The following LRRFIP2 variants were observed in gnomAD, a reference collection of about 807,000 sequenced individuals.
LRRFIP2 encodes the protein LRR binding FLII interacting protein 2.
In LRRFIP2, 109 loss-of-function variants were observed where a neutral mutation model predicts 125.9. The ratio of observed to expected loss-of-function variants is 0.87; its 90% CI spans 0.74 to 1.01. The LOEUF is 1.01. Ranked by LOEUF, LRRFIP2 falls within the 50% of genes least tolerant of loss-of-function variation. The pLI, the probability that LRRFIP2 is intolerant of heterozygous loss-of-function variation, is 0.00. For synonymous variants in LRRFIP2, 291 were observed against 293.1 expected (o/e 0.99, Z 0.07); for missense variants, 850 against 862.3 (o/e 0.99, Z 0.18).
intron 18 of LRRFIP2, among the ~76,000 whole-genome samples, chr3:37,091,250 A>C (rs1047098527): frequency 1.3e-5 from 2 of 152,114 alleles, no homozygotes; most frequent in Non-Finnish European, 2.9e-5. Flanking sequence ...ACTGTAAATG[A>C]TATCTTCTGC....
intron 15 of LRRFIP2, among the ~76,000 whole-genome samples, chr3:37,099,482 T>A (rs906691924): frequency 1.6e-4 from 24 of 152,212 alleles, no homozygotes; most frequent in Admixed American, 8.5e-4. Flanking sequence ...AATGCAGTCA[T>A]TGGATCTTGA....
At chr3:37,081,892 G>GAAAAAA (rs67658865) in intron 19 of LRRFIP2, among the ~76,000 whole-genome samples, 3 of 68,306 alleles carry the variant, frequency 4.4e-5, no homozygotes, top group African/African-American at 4.7e-5. Flanking sequence ...GTCTCCAAAA[G>GAAAAAA]AAAAAAAAAA....
At chr3:37,082,292 G>C (rs1195242191) in intron 19 of LRRFIP2, among the ~76,000 whole-genome samples, 1 of 152,004 alleles carries the variant, frequency 6.6e-6, no homozygotes, top group Non-Finnish European at 1.5e-5. Flanking sequence ...CTCTTCAATG[G>C]GCCACTGTCA....
At chr3:37,128,730 TATC>T (rs1329925834) in intron 3 of LRRFIP2, among the ~76,000 whole-genome samples, 1 of 152,194 alleles carries the variant, frequency 6.6e-6, no homozygotes, top group Non-Finnish European at 1.5e-5. Flanking sequence ...ACTATATAGA[TATC>T]ATAATATAAT....
At chr3:37,102,809 A>G (rs553244500) in intron 15 of LRRFIP2, 115 bp downstream of exon 15, 47 of 732,626 alleles carry the variant, frequency 6.4e-5, no homozygotes, top group African/African-American at 6.0e-4. Flanking sequence ...GCCCAAACAA[A>G]TATTTCTTAA....
chr3:37,116,588 T>A (rs1416961647), intron 6 of LRRFIP2, among the ~76,000 whole-genome samples: 1 of 152,206 alleles, frequency 6.6e-6, no homozygotes, highest in East Asian at 1.9e-4. Flanking sequence ...TGAATCTTCA[T>A]GTGTATACTG....
chr3:37,151,720 T>C (rs1032596852), intron 1 of LRRFIP2, among the ~76,000 whole-genome samples: 2 of 151,974 alleles, frequency 1.3e-5, no homozygotes, highest in African/African-American at 2.4e-5. Flanking sequence ...GCCTCAGCTT[T>C]CCAAGTAGCT....
intron 20 of LRRFIP2, among the ~76,000 whole-genome samples, chr3:37,074,303 C>T (rs965665248): frequency 2.6e-5 from 4 of 152,108 alleles, no homozygotes; most frequent in Admixed American, 2.0e-4. Flanking sequence ...ACATCTCTGG[C>T]GTGTCAACAC....
chr3:37,119,721 C>T (rs2094941716), intron 6 of LRRFIP2, among the ~76,000 whole-genome samples: 1 of 152,166 alleles, frequency 6.6e-6, no homozygotes, highest in African/African-American at 2.4e-5. Context: ...AGTGCGGTGG[C>T]ACGATCTCAG....
chr3:37,081,608 C>G (rs6550450), intron 19 of LRRFIP2, among the ~76,000 whole-genome samples: 69,950 of 151,828 alleles, frequency 0.46, 16,903 homozygotes, highest in African/African-American at 0.51. Flanking sequence ...ACAAGACCTG[C>G]CACGGTGGCT....
intron 21 of LRRFIP2, among the ~76,000 whole-genome samples, chr3:37,071,418 C>A (rs944664676): frequency 6.6e-6 from 1 of 152,116 alleles, no homozygotes; most frequent in African/African-American, 2.4e-5. Context: ...CACTATGTTG[C>A]CCAAGCTGGT....
At chr3:37,096,509 G>A (rs2093726730) in intron 16 of LRRFIP2, 107 bp downstream of exon 16, 1 of 700,882 alleles carries the variant, frequency 1.4e-6, no homozygotes, top group Non-Finnish European at 2.4e-6. Context: ...ATGAAGGGAG[G>A]AAGAGCAGCT....
intron 1 of LRRFIP2, among the ~76,000 whole-genome samples, chr3:37,165,161 G>A (rs1053579102): frequency 6.6e-6 from 1 of 151,674 alleles, no homozygotes; most frequent in Admixed American, 6.6e-5. Context: ...CGTGAACCTG[G>A]GAGGCGGAGC....
rs368439611 is a variant in LRRFIP2 at position 37,102,979 on chromosome 3, C to T, written c.818G>A (p.Arg273His). 7.7e-6 allele frequency: 12 copies of T among 1,565,910 alleles called. No individual in the cohort carries two copies. The highest frequency in any genetic ancestry group is 3.3e-4 in the Middle Eastern group (2 of 6,032). Residue 273 changes from arginine (R) to histidine (H), a missense_variant, in exon 15 of 28, where the codon CGT becomes CAT. Coordinates refer to ENST00000336686, the MANE Select transcript of LRRFIP2 (RefSeq NM_006309.4). Reference protein sequence around the residue: ...SAADYFSRSNRRGSVVSEVDD... With the variant: ...SAADYFSRSNHRGSVVSEVDD... Reference sequence around the variant, plus strand: ...CACCTCAGAGACAACACTTCCCCTACGATTGGAGCGACTGAAATAATCAGC... The same window carrying T: ...CACCTCAGAGACAACACTTCCCCTATGATTGGAGCGACTGAAATAATCAGC...
chr3:37,130,599 T>C (rs1025991734), intron 2 of LRRFIP2, among the ~76,000 whole-genome samples: 8 of 152,168 alleles, frequency 5.3e-5, no homozygotes, highest in Non-Finnish European at 1.0e-4. Flanking sequence ...AATAAACAAT[T>C]CATAAGTTTT....
At chr3:37,070,033 G>A (rs1454477989) in intron 21 of LRRFIP2, among the ~76,000 whole-genome samples, 1 of 151,706 alleles carries the variant, frequency 6.6e-6, no homozygotes, top group Non-Finnish European at 1.5e-5. Context: ...TCCTGGTTGT[G>A]ATATTGTACT....
chr3:37,167,603 G>A (rs897505641), intron 1 of LRRFIP2, among the ~76,000 whole-genome samples: 6 of 148,790 alleles, frequency 4.0e-5, no homozygotes, highest in Admixed American at 6.8e-5. Context: ...GCAGTGAGCC[G>A]AGATCGCGCC....
intron 4 of LRRFIP2, among the ~76,000 whole-genome samples, chr3:37,124,136 A>G (rs1194297605): frequency 6.6e-6 from 1 of 152,204 alleles, no homozygotes. Context: ...GAAATATTCT[A>G]TATTTGTGCT....
chr3:37,135,148 A>T, intron 2 of LRRFIP2: 3 of 1,188,376 alleles, frequency 2.5e-6, no homozygotes, highest in Non-Finnish European at 3.7e-6. Flanking sequence ...AGCTGGAATA[A>T]ACTTTAAATT....
Sources: allele counts gnomAD v4.1 joint callset (sites outside exome capture counted in the v4.1 genomes callset), GRCh38; gene constraint gnomAD v4.1.1; transcripts MANE v1.5; gene names NCBI Gene and HGNC (gene_info 2026-07-23, HGNC 2026-07-21).